Variants in RFX2 observed in about 807,000 individuals in gnomAD.
The protein encoded by RFX2 is regulatory factor X2.
In RFX2, 20 loss-of-function variants were observed where a neutral mutation model predicts 87.8. The observed-to-expected ratio is 0.23, with a 90% CI of 0.16 to 0.33. The LOEUF is 0.33. RFX2 is among the 10% of genes least tolerant of loss of function. RFX2 has a pLI of 1.00. For synonymous variants in RFX2, 397 were observed against 431.3 expected (o/e 0.92, Z 0.98); for missense variants, 767 against 1,012.3 (o/e 0.76, Z 3.29).
rs192143076 is a variant in RFX2, at chr19:6,024,640, C to T, written c.597+1523G>A. Among the ~76,000 whole-genome samples the T allele has an allele frequency of 1.3e-5, 2 of 152,174 alleles. No homozygotes were observed. The highest frequency in any genetic ancestry group is 2.9e-5 in the Non-Finnish European group (2 of 68,034). On this transcript the variant is annotated intron_variant, in intron 6 of 17. Coordinates refer to ENST00000303657, the MANE Select transcript of RFX2 (RefSeq NM_000635.4). This position sits in a 1 kb window ranked among gnomAD's most constrained non-coding sequence, Gnocchi z 5.0. ...GGACCTGTCCTACATCACTTTCTGCCCCCAGAATCACTCACTGCCTTTTGA... is the reference window on the plus strand; with the variant it reads ...GGACCTGTCCTACATCACTTTCTGCTCCCAGAATCACTCACTGCCTTTTGA...
At chr19:6,096,737 C>T (rs1226574618) in intron 1 of RFX2, among the ~76,000 whole-genome samples, 1 of 152,234 alleles carries the variant, frequency 6.6e-6, no homozygotes, top group East Asian at 1.9e-4. Context: ...TAAGGCACTG[C>T]ACCTGGCCTC....
chr19:6,038,252 G>A (rs866689517), intron 5 of RFX2, among the ~76,000 whole-genome samples: 4 of 150,450 alleles, frequency 2.7e-5, no homozygotes, highest in African/African-American at 9.8e-5. Context: ...GCTTGAACCC[G>A]GGAGGTGGAG....
In RFX2 at chr19:6,007,192, G is replaced by A; in HGVS notation, c.1248-26C>T. The A allele has an allele frequency of 6.2e-7, 1 of 1,607,358 alleles. No homozygotes were observed. The highest frequency in any genetic ancestry group is 1.3e-5 in the African/African-American group (1 of 74,942). Reference sequence around the variant, plus strand: ...CTGTGGAGGGAGGGGGGACAGGTGAGCTGTGGCCTGGCCCAGGTGGGCTCA... The same window carrying A: ...CTGTGGAGGGAGGGGGGACAGGTGAACTGTGGCCTGGCCCAGGTGGGCTCA... On this transcript the variant is annotated intron_variant, in intron 11 of 17. Coordinates refer to ENST00000303657, the MANE Select transcript of RFX2 (RefSeq NM_000635.4). The surrounding 1 kb of genome is among the most constrained non-coding windows in gnomAD (Gnocchi z 8.2).
chr19:6,046,334 A>T (rs908738400), intron 2 of RFX2, among the ~76,000 whole-genome samples: 1 of 152,004 alleles, frequency 6.6e-6, no homozygotes, highest in Admixed American at 6.5e-5. Context: ...TAATCCCAGC[A>T]CTTTGGGAGG....
At chr19:6,038,016 G>T (rs1387572993) in intron 5 of RFX2, among the ~76,000 whole-genome samples, 4 of 152,226 alleles carry the variant, frequency 2.6e-5, no homozygotes, top group African/African-American at 9.6e-5. Context: ...TTGATAGGAA[G>T]CAGATCTAAA....
rs561337962 is a variant in RFX2 at position 6,099,744 on chromosome 19, C to A, written c.-9+10649G>T. On this transcript the variant is annotated intron_variant, in intron 1 of 17. Transcript: ENST00000303657. ...AAATCACTACCACCTGTCGAAGTGG[C>A]CTTGCAGTGCTAAATCTAAGTGCTG... Among the ~76,000 whole-genome samples the A allele has an allele frequency of 7.9e-5, 12 of 152,274 alleles. No homozygotes were observed. The South Asian group carries it at 1.7e-3, about 21-fold the overall frequency.
At chr19:6,106,365 A>C (rs899729642) in intron 1 of RFX2, among the ~76,000 whole-genome samples, 1 of 152,190 alleles carries the variant, frequency 6.6e-6, no homozygotes, top group Non-Finnish European at 1.5e-5. Context: ...TAAATTCTAG[A>C]GACGGAGTCA....
At position 6,074,183 on chromosome 19, in the gene RFX2, G is replaced by A. The variant is rs966038165; in HGVS notation, c.-8-26679C>T. On this transcript the variant is annotated intron_variant, in intron 1 of 17. Coordinates refer to ENST00000303657, the MANE Select transcript of RFX2 (RefSeq NM_000635.4). The surrounding 1 kb of genome is among the most constrained non-coding windows in gnomAD (Gnocchi z 5.2). ...GGACCAGGTGGGCAAACAGAGAGCC[G>A]GGGTTTTGTAGCAGGGGTGGGGGTG... Among the ~76,000 whole-genome samples, 3 of 152,192 alleles carry A rather than the reference G, an allele frequency of 2.0e-5. No homozygotes were observed. The highest frequency in any genetic ancestry group is 1.9e-4 in the East Asian group (1 of 5,192).
intron 13 of RFX2, among the ~76,000 whole-genome samples, chr19:6,003,652 A>G (rs887938500): frequency 4.0e-5 from 6 of 151,660 alleles, no homozygotes; most frequent in Non-Finnish European, 7.4e-5. Flanking sequence ...GGTGGCGGGC[A>G]CCTGTAATCC....
chr19:6,045,677 T>G lies in RFX2; in HGVS notation c.91-1395A>C, dbSNP rs1296442848. Among the ~76,000 whole-genome samples the G allele has an allele frequency of 6.6e-6, 1 of 152,156 alleles. No individual in the cohort carries two copies. Among genetic ancestry groups the G allele is most frequent in the African/African-American group, 2.4e-5 (1 of 41,428 alleles). ...AATTGTGTTTTTTTGTTTTTGTTTT[T>G]TTGTGTTTTTTGGGACGGATTTTTG... is the stretch of plus-strand genomic sequence containing the variant. On this transcript the variant is annotated intron_variant, in intron 2 of 17. Coordinates refer to ENST00000303657, the MANE Select transcript of RFX2 (RefSeq NM_000635.4). This position sits in a 1 kb window ranked among gnomAD's most constrained non-coding sequence, Gnocchi z 5.2.
rs190277510 is a variant in RFX2 at position 6,022,275 on chromosome 19, C to T, written c.597+3888G>A. 1.5e-4 allele frequency among the ~76,000 whole-genome samples: 23 copies of T among 152,340 alleles called. 1 individual carries two copies. The East Asian group carries it at 3.1e-3, about 20-fold the overall frequency. On this transcript the variant is annotated intron_variant, in intron 6 of 17. Coordinates refer to ENST00000303657, the MANE Select transcript of RFX2 (RefSeq NM_000635.4). This position sits in a 1 kb window ranked among gnomAD's most constrained non-coding sequence, Gnocchi z 6.2. ...GAGGAGCTGCCGGCTCTAGCAACCCCACTGTGGCCTGCAGGACAGCACGGC... is the reference window on the plus strand; with the variant it reads ...GAGGAGCTGCCGGCTCTAGCAACCCTACTGTGGCCTGCAGGACAGCACGGC...
chr19:5,995,884 A>G (rs2086399921), intron 16 of RFX2, among the ~76,000 whole-genome samples: 1 of 152,126 alleles, frequency 6.6e-6, no homozygotes, highest in Non-Finnish European at 1.5e-5. Context: ...CGGGGCAGCG[A>G]GGGGACAGCA....
chr19:6,055,731 T>C (rs1296944177), intron 1 of RFX2, among the ~76,000 whole-genome samples: 2 of 152,174 alleles, frequency 1.3e-5, no homozygotes, highest in African/African-American at 2.4e-5. Flanking sequence ...AACCCAAATG[T>C]TCCTCATCAG....
chr19:6,017,581 T>C lies in RFX2; in HGVS notation c.598-1310A>G, dbSNP rs973241890. ...AAGCGAGGCCCGAGTCCAGATCCCA[T>C]GTCAAGAGCGTCGGGGGAAACCAGC... is the stretch of plus-strand genomic sequence containing the variant. On this transcript the variant is annotated intron_variant, in intron 6 of 17. Transcript: ENST00000303657. The surrounding 1 kb of genome is among the most constrained non-coding windows in gnomAD (Gnocchi z 4.1). 2.0e-5 allele frequency among the ~76,000 whole-genome samples: 3 copies of C among 152,194 alleles called. No individual in the cohort carries two copies. The highest frequency in any genetic ancestry group is 1.3e-4 in the Admixed American group (2 of 15,288).
At chr19:6,060,277 C>T (rs1259173980) in intron 1 of RFX2, among the ~76,000 whole-genome samples, 3 of 152,292 alleles carry the variant, frequency 2.0e-5, no homozygotes, top group East Asian at 3.9e-4. Flanking sequence ...GGCTTTTGTG[C>T]TCCAACAGCA....
In RFX2 at chr19:5,993,901, G is replaced by C. The variant is rs1014556446; in HGVS notation, c.*934C>G. The C allele has an allele frequency of 2.6e-5, 4 of 152,432 alleles. No individual in the cohort carries two copies. Among genetic ancestry groups the C allele is most frequent in the African/African-American group, 9.6e-5 (4 of 41,594 alleles). 9.4% of individuals were successfully genotyped at this position (152,432 alleles called of 1,614,324 possible). On this transcript the variant is annotated 3_prime_UTR_variant, in exon 18 of 18. Coordinates refer to ENST00000303657, the MANE Select transcript of RFX2 (RefSeq NM_000635.4). ...CTCCGTGGAGCGGGACGCAGGCACT[G>C]CTGTTTGGACGACACGCGGGATGGC...
In RFX2 at chr19:6,023,431, C is replaced by T. The variant is rs970593971; in HGVS notation, c.597+2732G>A. On this transcript the variant is annotated intron_variant, in intron 6 of 17. Transcript: ENST00000303657. This position sits in a 1 kb window ranked among gnomAD's most constrained non-coding sequence, Gnocchi z 4.9. Reference sequence around the variant, plus strand: ...CGTCACCCCGTCCATCAGCAGATCACGTGCTTTAACTCCTCTCTTCCTCTC... The same window carrying T: ...CGTCACCCCGTCCATCAGCAGATCATGTGCTTTAACTCCTCTCTTCCTCTC... Among the ~76,000 whole-genome samples, 5 of 152,264 alleles carry T rather than the reference C, an allele frequency of 3.3e-5. No individual in the cohort carries two copies. Among genetic ancestry groups the T allele is most frequent in the Non-Finnish European group, 7.3e-5 (5 of 68,054 alleles).
At chr19:6,105,413 G>T (rs2088200691) in intron 1 of RFX2, among the ~76,000 whole-genome samples, 1 of 152,160 alleles carries the variant, frequency 6.6e-6, no homozygotes, top group Non-Finnish European at 1.5e-5. Flanking sequence ...GAGGCCAGCA[G>T]GGTGGAAGTG....
intron 4 of RFX2, among the ~76,000 whole-genome samples, chr19:6,041,109 C>A (rs1363541259): frequency 1.3e-5 from 2 of 152,070 alleles, no homozygotes; most frequent in Non-Finnish European, 1.5e-5. Context: ...CCTTCTGTAG[C>A]CCAGACTTGA....
Sources: allele counts gnomAD v4.1 joint callset (sites outside exome capture counted in the v4.1 genomes callset), GRCh38; gene constraint gnomAD v4.1.1; non-coding constraint Gnocchi (gnomAD v3.1); transcripts MANE v1.5; gene names NCBI Gene and HGNC (gene_info 2026-07-23, HGNC 2026-07-21).